The following FREM2 variants were observed in gnomAD, a reference collection of about 807,000 sequenced individuals.
FREM2 encodes the protein FRAS1 related extracellular matrix 2.
Under a neutral mutation model 219.9 loss-of-function variants are expected in FREM2, and 119 were observed. The ratio of observed to expected loss-of-function variants is 0.54; its 90% CI spans 0.47 to 0.63. The LOEUF is 0.63. Among genes scored for constraint, FREM2 ranks in the 30% least tolerant of loss-of-function variants. The probability of loss-of-function intolerance (pLI) is 0.00; values close to 1 mark genes in which losing one functional copy is unlikely to be tolerated. For missense variants in FREM2, 4,030 were observed against 3,993.6 expected (o/e 1.01, Z -0.25); for synonymous variants, 1,562 against 1,522.8 (o/e 1.03, Z -0.60).
intron 6 of FREM2, among the ~76,000 whole-genome samples, chr13:38,830,005 G>A (rs1468666175): frequency 6.6e-6 from 1 of 151,972 alleles, no homozygotes; most frequent in Non-Finnish European, 1.5e-5. Context: ...TATTATCTCT[G>A]CACAAATCTA....
rs555072822 is a variant in FREM2 at position 38,691,566 on chromosome 13, C to T, written c.4222C>T (p.Arg1408Cys). The change falls in exon 1 of 24, where the codon CGT becomes TGT. Residue 1408 changes from arginine to cysteine, a missense_variant. By Grantham distance (180) the Arg-to-Cys change is radical. This residue lies in a region of FREM2 where 3,102 missense variants were observed against 2,950.7 expected (regional missense o/e 1.05). Transcript: ENST00000280481. ...TGATGGAATAAATCCCCTCATAGAT[C>T]GTTACTTTTATGTGTCCATCGGGAG... ...VTDGINPLID[R>C]YFYVSIGSID... 6 of 1,614,114 alleles carry T rather than the reference C, an allele frequency of 3.7e-6. No homozygotes were observed. The South Asian group carries it at 4.4e-5, about 12-fold the overall frequency.
Position 38,872,784 on chromosome 13 carries a change from C to T in FREM2, c.8026C>T (p.Leu2676=). The change falls in exon 17 of 24, where the codon CTG becomes TTG. Residue 2676 remains leucine (L), a synonymous_variant. Transcript: ENST00000280481. The part of the protein sequence containing the change: ...VQSYVTLRVP[L]YVSYVFHSPV... ...GTCCTATGTGACCCTTCGAGTCCCTCTGTATGTTTCCTACGTGTTCCATTC... is the reference window on the plus strand; with the variant it reads ...GTCCTATGTGACCCTTCGAGTCCCTTTGTATGTTTCCTACGTGTTCCATTC... 2 of 1,614,020 alleles carry T rather than the reference C, an allele frequency of 1.2e-6. No individual in the cohort carries two copies. The highest frequency in any genetic ancestry group is 1.7e-6 in the Non-Finnish European group (2 of 1,179,918).
At chr13:38,825,878 A>G (rs920175865) in intron 6 of FREM2, among the ~76,000 whole-genome samples, 3 of 152,110 alleles carry the variant, frequency 2.0e-5, no homozygotes, top group Non-Finnish European at 4.4e-5. Flanking sequence ...TTGTATTTTA[A>G]AAATATATTA....
intron 12 of FREM2, among the ~76,000 whole-genome samples, chr13:38,857,137 C>T (rs1286518550): frequency 3.9e-5 from 6 of 152,012 alleles, no homozygotes; most frequent in Non-Finnish European, 7.4e-5. Flanking sequence ...TATGGAGTAG[C>T]GTATGAAATT....
Position 38,874,560 on chromosome 13 carries a change from A to T in FREM2, c.8255A>T (p.His2752Leu), listed in dbSNP as rs750296062. The change falls in exon 18 of 24, where the codon CAT becomes CTT. Residue 2752 changes from histidine (H) to leucine (L), a missense_variant. Around this residue, in one of 2 missense-constraint regions of FREM2, gnomAD observed 928 missense variants for 1,042.9 expected, o/e 0.89. Coordinates refer to ENST00000280481, the MANE Select transcript of FREM2 (RefSeq NM_207361.6). ...AVHFKTEAQFHGLFVLSHPAS... is the reference protein window; with the variant it reads ...AVHFKTEAQFLGLFVLSHPAS... ...CACTTCAAGACAGAGGCTCAGTTCC[A>T]TGGCTTATTTGTGCTGTCACATCCC... is the stretch of plus-strand genomic sequence containing the variant. 3 of 1,613,994 alleles carry T rather than the reference A, an allele frequency of 1.9e-6. No individual in the cohort carries two copies. The highest frequency in any genetic ancestry group is 2.5e-6 in the Non-Finnish European group (3 of 1,179,948).
intron 6 of FREM2, among the ~76,000 whole-genome samples, chr13:38,795,471 G>T (rs1050497858): frequency 2.0e-5 from 3 of 151,750 alleles, no homozygotes; most frequent in African/African-American, 7.3e-5. Context: ...ATACAAAAAT[G>T]TACATATTTA....
intron 6 of FREM2, among the ~76,000 whole-genome samples, chr13:38,844,780 A>T (rs1877088963): frequency 6.6e-6 from 1 of 152,186 alleles, no homozygotes; most frequent in Non-Finnish European, 1.5e-5. Context: ...CACTTGTTGG[A>T]TGCAGGTGAT....
chr13:38,861,292 T>C (rs1486463996), intron 14 of FREM2, 139 bp from the exon 15 acceptor site: 1 of 799,688 alleles, frequency 1.3e-6, no homozygotes, highest in Non-Finnish European at 2.1e-6. Flanking sequence ...TATCACGTGA[T>C]GTACACTCTT....
At chr13:38,730,232 G>A (rs1006949337) in intron 2 of FREM2, among the ~76,000 whole-genome samples, 3 of 152,156 alleles carry the variant, frequency 2.0e-5, no homozygotes, top group Admixed American at 6.5e-5. Flanking sequence ...TGCTCAGTAC[G>A]TTTATGATAC....
At position 38,691,651 on chromosome 13, in the gene FREM2, A is replaced by G. The variant is rs778493382; in HGVS notation, c.4307A>G (p.Lys1436Arg). 3.7e-6 allele frequency: 6 copies of G among 1,614,098 alleles called. No individual in the cohort carries two copies. The highest frequency in any genetic ancestry group is 5.1e-6 in the Non-Finnish European group (6 of 1,180,006). The change falls in exon 1 of 24, where the codon AAA becomes AGA. Residue 1436 changes from lysine (K) to arginine (R), a missense_variant. This residue lies in a region of FREM2 where 3,102 missense variants were observed against 2,950.7 expected (regional missense o/e 1.05). Transcript: ENST00000280481. ...SKGVSLKEGG[K>R]VTLTTDLLST... ...GGAGTGTCCTTGAAAGAAGGTGGCA[A>G]AGTCACTCTTACAACAGACCTACTA...
chr13:38,813,508 CT>C (rs1206802953), intron 6 of FREM2, among the ~76,000 whole-genome samples: 4 of 12,252 alleles, frequency 3.3e-4, no homozygotes, highest in African/African-American at 5.4e-4. Context: ...CTCTCTCTCT[CT>C]CTCTCTCTCC....
chr13:38,885,402 G>A lies in FREM2; in HGVS notation c.*4615G>A, dbSNP rs1434381819. 1 of 152,024 alleles carries A rather than the reference G, an allele frequency of 6.6e-6. No homozygotes were observed. The allele number at this position is 152,024 out of a possible 1,614,324, so 9.4% of individuals were successfully genotyped here. ...AAGCACATTTAATTTCTTTCCCCTG[G>A]TATTTGTTTGCTTTGTGTTTTTTCA... On this transcript the variant is annotated 3_prime_UTR_variant, in exon 24 of 24. Transcript: ENST00000280481.
intron 4 of FREM2, among the ~76,000 whole-genome samples, chr13:38,782,088 C>T (rs1453739875): frequency 6.6e-6 from 1 of 152,208 alleles, no homozygotes; most frequent in African/African-American, 2.4e-5. Flanking sequence ...TCCTGGGGCA[C>T]AGCGCAGGGT....
intron 6 of FREM2, among the ~76,000 whole-genome samples, chr13:38,840,753 T>C (rs1481282714): frequency 6.6e-6 from 1 of 151,652 alleles, no homozygotes; most frequent in Non-Finnish European, 1.5e-5. Flanking sequence ...CACATACATA[T>C]ATGCTTTATA....
intron 2 of FREM2, among the ~76,000 whole-genome samples, chr13:38,738,540 T>G (rs1872092971): frequency 8.6e-6 from 1 of 116,662 alleles, no homozygotes; most frequent in Non-Finnish European, 1.6e-5. Flanking sequence ...CACTCCAGCC[T>G]GGGCAACAGA....
intron 6 of FREM2, among the ~76,000 whole-genome samples, chr13:38,793,686 A>C: frequency 6.6e-6 from 1 of 152,206 alleles, no homozygotes; most frequent in East Asian, 1.9e-4. Flanking sequence ...CTGCAATGCA[A>C]AGAAAAGATT....
Position 38,880,726 on chromosome 13 carries a change from C to T in FREM2, c.9449C>T (p.Ser3150Phe), listed in dbSNP as rs781238712. The change falls in exon 24 of 24, where the codon TCC becomes TTC. Residue 3150 changes from serine (S) to phenylalanine (F), a missense_variant. Ser to Phe is a radical substitution (Grantham distance 155). This residue lies in a region of FREM2 where 928 missense variants were observed against 1,042.9 expected (regional missense o/e 0.89). Transcript: ENST00000280481. ...AGGGGGAAGGATGCCCCGAAAGGCT[C>T]CAGCAGCAGTGAGCCCATGGTGCCC... The part of the protein sequence containing the change: ...SFRGKDAPKG[S>F]SSSEPMVPPQ... 2.5e-6 allele frequency: 4 copies of T among 1,614,174 alleles called. No individual in the cohort carries two copies. The highest frequency in any genetic ancestry group is 2.2e-5 in the South Asian group (2 of 91,090).
Position 38,877,169 on chromosome 13 carries a change from T to A in FREM2, c.8597T>A (p.Leu2866His). 1 of 1,614,118 alleles carries A rather than the reference T, an allele frequency of 6.2e-7. No homozygotes were observed. The highest frequency in any genetic ancestry group is 8.5e-7 in the Non-Finnish European group (1 of 1,179,954). The stretch of plus-strand genomic sequence containing the variant: ...AGCTTGAACACCCAAATGTACCTGC[T>A]CTCTAAGAAGAGTCTCTGGTTGTCT... The part of the protein sequence containing the change: ...EFSLNTQMYL[L>H]SKKSLWLSDG... The change falls in exon 21 of 24, where the codon CTC (leucine) becomes CAC (histidine). Residue 2866 changes from leucine (L) to histidine (H), a missense_variant. By Grantham distance (99) the Leu-to-His change is moderately conservative. Around this residue, in one of 2 missense-constraint regions of FREM2, gnomAD observed 928 missense variants for 1,042.9 expected, o/e 0.89. Transcript: ENST00000280481.
chr13:38,692,592 A>G, intron 1 of FREM2, 75 bp downstream of exon 1: 1 of 1,517,374 alleles, frequency 6.6e-7, no homozygotes, highest in Non-Finnish European at 9.0e-7. Flanking sequence ...TCACAAACAG[A>G]GCATTAAATT....
Sources: allele counts gnomAD v4.1 joint callset (sites outside exome capture counted in the v4.1 genomes callset), GRCh38; gene constraint gnomAD v4.1.1; regional missense constraint gnomAD v4.1.1; transcripts MANE v1.5; gene names NCBI Gene and HGNC (gene_info 2026-07-23, HGNC 2026-07-21).